TTLL7: variants seen among roughly 807,000 people sequenced by gnomAD.
TTLL7 encodes the protein tubulin polyglutamylase TTLL7.
Under a neutral mutation model 120.2 loss-of-function variants are expected in TTLL7, and 53 were observed. That is an observed-to-expected ratio of 0.44 (90% CI 0.35 to 0.55). The LOEUF (loss-of-function observed/expected upper bound fraction) is 0.55, where lower values mean the gene tolerates loss of function less well. TTLL7 is among the 20% of genes least tolerant of loss of function. TTLL7 has a pLI of 0.00. For missense variants in TTLL7, 803 were observed against 1,054.7 expected, an observed-to-expected ratio of 0.76 and a Z score of 3.31; for synonymous variants, 353 against 351.7, an observed-to-expected ratio of 1.00 and a Z score of -0.04.
chr1:83,954,984 T>G (rs1649385019), intron 1 of TTLL7, among the ~76,000 whole-genome samples: 1 of 152,148 alleles, frequency 6.6e-6, no homozygotes, highest in African/African-American at 2.4e-5. Flanking sequence ...AATGTTAACC[T>G]TGAACATAGA....
At chr1:83,921,046 C>G (rs775096627) in intron 12 of TTLL7, 41 bp downstream of exon 12, 1 of 1,556,808 alleles carries the variant, frequency 6.4e-7, no homozygotes, top group South Asian at 1.2e-5. Flanking sequence ...TGCTTTGATA[C>G]TTCATTTTTT....
At chr1:83,917,099 CAAAAAAA>C (rs540546625) in intron 14 of TTLL7, among the ~76,000 whole-genome samples, 6 of 81,300 alleles carry the variant, frequency 7.4e-5, no homozygotes, top group Non-Finnish European at 1.6e-4. Context: ...ACCCTGTTAT[CAAAAAAA>C]AAAAAAAAAA....
chr1:83,937,893 C>T lies in TTLL7; in HGVS notation c.847G>A (p.Ala283Thr). ...AACTTAGCAACATCATGTTGATTTG[C>T]TTGAAGGAATTCTGTAAACCATTTG... is the stretch of plus-strand genomic sequence containing the variant. Reference protein sequence around the residue: ...SIKWFTEFLQANQHDVAKFWS... With the variant: ...SIKWFTEFLQTNQHDVAKFWS... Residue 283 changes from alanine (A) to threonine (T), a missense_variant, in exon 8 of 21, where the codon GCA becomes ACA. By Grantham distance (58) the Ala-to-Thr change is moderately conservative (BLOSUM62 0). This residue lies in a region of TTLL7 where 324 missense variants were observed against 507.7 expected (regional missense o/e 0.64). Transcript: ENST00000260505. 2 of 1,613,986 alleles carry T rather than the reference C, an allele frequency of 1.2e-6. No individual in the cohort carries two copies. Among genetic ancestry groups the T allele is most frequent in the Non-Finnish European group, 1.7e-6 (2 of 1,179,942 alleles).
intron 19 of TTLL7, among the ~76,000 whole-genome samples, chr1:83,889,767 G>A (rs1655287974): frequency 6.6e-6 from 1 of 152,018 alleles, no homozygotes; most frequent in Non-Finnish European, 1.5e-5. Context: ...TAGCCATGTG[G>A]GAATGTGACA....
intron 18 of TTLL7, among the ~76,000 whole-genome samples, chr1:83,893,974 C>T (rs1049650674): frequency 6.6e-6 from 1 of 152,082 alleles, no homozygotes; most frequent in Non-Finnish European, 1.5e-5. Flanking sequence ...TAAAACTTCA[C>T]AACAATATTG....
At chr1:83,994,244 C>T (rs1194209702) in intron 1 of TTLL7, among the ~76,000 whole-genome samples, 3 of 152,206 alleles carry the variant, frequency 2.0e-5, no homozygotes, top group African/African-American at 7.2e-5. Flanking sequence ...AGTATAAGAA[C>T]CTGCCTCTCT....
At chr1:83,966,322 G>T (rs902051689) in intron 1 of TTLL7, among the ~76,000 whole-genome samples, 1 of 151,932 alleles carries the variant, frequency 6.6e-6, no homozygotes, top group African/African-American at 2.4e-5. Flanking sequence ...CTCTACAGTT[G>T]CATGAGCCAA....
intron 8 of TTLL7, among the ~76,000 whole-genome samples, chr1:83,934,137 A>G (rs543870500): frequency 3.3e-5 from 5 of 152,318 alleles, no homozygotes; most frequent in African/African-American, 1.2e-4. Context: ...CACACAGCAT[A>G]TAACAAGCTG....
At chr1:83,958,560 A>G (rs557963029) in intron 1 of TTLL7, among the ~76,000 whole-genome samples, 35 of 152,262 alleles carry the variant, frequency 2.3e-4, no homozygotes, top group African/African-American at 8.2e-4. Flanking sequence ...GTATTTCCAA[A>G]TATCAGGTCA....
chr1:83,907,699 T>C (rs1268214598), intron 15 of TTLL7, 38 bp from the exon 16 acceptor site: 1 of 1,576,004 alleles, frequency 6.3e-7, no homozygotes, highest in South Asian at 1.1e-5. Flanking sequence ...ACAGTAGCAG[T>C]ATTAATACAA....
intron 19 of TTLL7, among the ~76,000 whole-genome samples, chr1:83,885,920 A>C (rs192914429): frequency 6.8e-4 from 104 of 152,220 alleles, no homozygotes; most frequent in Non-Finnish European, 1.3e-3. Flanking sequence ...TTTTGAACCT[A>C]AATTCCAAGG....
rs1310072319 is a variant in TTLL7 at position 83,882,999 on chromosome 1, G to A, written c.2507C>T (p.Ser836Leu). 6.2e-7 allele frequency: 1 copy of A among 1,612,554 alleles called. No homozygotes were observed. The highest frequency in any genetic ancestry group is 1.1e-5 in the South Asian group (1 of 90,932). The change falls in exon 20 of 21, where the codon TCA becomes TTA. Residue 836 changes from serine to leucine, a missense_variant. This residue lies in a region of TTLL7 where 388 missense variants were observed against 450.4 expected (regional missense o/e 0.86). Transcript: ENST00000260505. ...CCAGTCAGGACCAATGCCTGAAAGT[G>A]ATCCTCTTTTGTCAGTTGCATATTT... ...VYKYATDKRG[S>L]LSGIGPDWGN...
At chr1:83,997,374 G>A (rs1653580636) in intron 1 of TTLL7, among the ~76,000 whole-genome samples, 1 of 152,158 alleles carries the variant, frequency 6.6e-6, no homozygotes, top group Non-Finnish European at 1.5e-5. Flanking sequence ...ATCAACGGGC[G>A]AAGAAAGACC....
rs75998953 is a variant in TTLL7, at chr1:83,955,501, G to A, written c.-176-3114C>T. 7.9e-4 allele frequency among the ~76,000 whole-genome samples: 120 copies of A among 152,212 alleles called. 1 individual carries two copies. The highest frequency in any genetic ancestry group is 2.7e-3 in the African/African-American group (113 of 41,518). On this transcript the variant is annotated intron_variant, in intron 1 of 20. Transcript: ENST00000260505. The stretch of plus-strand genomic sequence containing the variant: ...ACAACCTTTCCATCCCTTCCACCAT[G>A]AGAACACAGCATCCATCTCCTTCAG...
In TTLL7 at chr1:83,952,362, A is replaced by G. The variant is rs1389617574; in HGVS notation, c.-151T>C. 6 of 738,780 alleles carry G rather than the reference A, an allele frequency of 8.1e-6. No individual in the cohort carries two copies. The highest frequency in any genetic ancestry group is 1.2e-5 in the Non-Finnish European group (6 of 484,202). The allele number at this position is 738,780 out of a possible 1,614,324, so 45.8% of individuals were successfully genotyped here. A position where few individuals can be genotyped will look rare whatever the true frequency, so the allele number is the denominator to read the frequency against. ...TGGTGGAATCCTCAGATTTCAGGAT[A>G]CCAAAGTTATGGGATAACAAGGTAC... On this transcript the variant is annotated 5_prime_UTR_variant, in exon 2 of 21. Coordinates refer to ENST00000260505, the MANE Select transcript of TTLL7 (RefSeq NM_024686.6).
chr1:83,917,922 C>T (rs946060733), intron 13 of TTLL7, among the ~76,000 whole-genome samples: 16 of 152,012 alleles, frequency 1.1e-4, no homozygotes, highest in Non-Finnish European at 2.1e-4. Context: ...ATTAATTATC[C>T]TAAACAAATG....
intron 1 of TTLL7, among the ~76,000 whole-genome samples, chr1:83,984,771 A>G (rs1652290251): frequency 6.6e-6 from 1 of 152,078 alleles, no homozygotes. Flanking sequence ...GGGGACTACT[A>G]GAGAGGGGAG....
chr1:83,890,042 C>T (rs1655322566), intron 19 of TTLL7: 3 of 480,532 alleles, frequency 6.2e-6, no homozygotes, highest in South Asian at 3.1e-5. Flanking sequence ...TTTTAGAAGG[C>T]GACTGCAGAA....
In TTLL7 at chr1:83,971,404, T is replaced by C. The variant is rs992415009; in HGVS notation, c.-176-19017A>G. Among the ~76,000 whole-genome samples, 9 of 152,140 alleles carry C rather than the reference T, an allele frequency of 5.9e-5. No homozygotes were observed. In the East Asian group the frequency reaches 1.7e-3, roughly 29 times the overall value. ...ATTAAAATCTGTTTGGTGGATGTAATTAAATGCTTTGATAAGGCACAGCAA... is the reference window on the plus strand; with the variant it reads ...ATTAAAATCTGTTTGGTGGATGTAACTAAATGCTTTGATAAGGCACAGCAA... On this transcript the variant is annotated intron_variant, in intron 1 of 20. Coordinates refer to ENST00000260505, the MANE Select transcript of TTLL7 (RefSeq NM_024686.6).
Sources: allele counts gnomAD v4.1 joint callset (sites outside exome capture counted in the v4.1 genomes callset), GRCh38; gene constraint gnomAD v4.1.1; regional missense constraint gnomAD v4.1.1; transcripts MANE v1.5; gene names NCBI Gene and HGNC (gene_info 2026-07-23, HGNC 2026-07-21).